CA10: variants seen among roughly 807,000 people sequenced by gnomAD.
The protein encoded by CA10 is carbonic anhydrase-related protein 10.
A neutral mutation model predicts 44.2 loss-of-function variants in CA10; 14 were observed. The ratio of observed to expected loss-of-function variants is 0.32; its 90% CI spans 0.21 to 0.50. The LOEUF (loss-of-function observed/expected upper bound fraction) is 0.50, where lower values mean the gene tolerates loss of function less well. Among genes scored for constraint, CA10 ranks in the 20% least tolerant of loss-of-function variants. CA10 has a pLI of 0.99. For synonymous variants in CA10, 159 were observed against 141.6 expected (o/e 1.12, Z -0.87); for missense variants, 350 against 409.7 (o/e 0.85, Z 1.26).
chr17:51,728,479 CT>C lies in CA10; in HGVS notation c.465+19153del. Among the ~76,000 whole-genome samples the C allele has an allele frequency of 2.6e-5, 4 of 152,268 alleles. No homozygotes were observed. The Middle Eastern group carries it at 0.01, about 388-fold the overall frequency. On this transcript the variant is annotated intron_variant, in intron 4 of 8. Coordinates refer to ENST00000451037, the MANE Select transcript of CA10 (RefSeq NM_020178.5). Reference sequence around the variant, plus strand: ...ATCTGTGATAGATCCTCAGTCTTTCCTTGCTTTTCACGATCTTCACACTTTT... The same window carrying C: ...ATCTGTGATAGATCCTCAGTCTTTCCTGCTTTTCACGATCTTCACACTTTT...
intron 3 of CA10, among the ~76,000 whole-genome samples, chr17:51,925,363 T>G (rs559252042): frequency 6.6e-6 from 1 of 151,486 alleles, no homozygotes; most frequent in Non-Finnish European, 1.5e-5. Flanking sequence ...TAGGGAAATG[T>G]AAATCAAAAT....
intron 1 of CA10, among the ~76,000 whole-genome samples, chr17:52,123,579 G>A (rs1357774366): frequency 3.3e-5 from 5 of 152,130 alleles, no homozygotes; most frequent in Admixed American, 3.3e-4. Flanking sequence ...TGAATACAAG[G>A]CTTATAAATG....
At chr17:51,745,297 A>G (rs1904638398) in intron 4 of CA10, among the ~76,000 whole-genome samples, 1 of 152,192 alleles carries the variant, frequency 6.6e-6, no homozygotes, top group South Asian at 2.1e-4. Flanking sequence ...TTACAAATGT[A>G]CAAACCTGGA....
chr17:52,096,813 T>C (rs1218084052), intron 1 of CA10, among the ~76,000 whole-genome samples: 1 of 152,238 alleles, frequency 6.6e-6, no homozygotes, highest in Non-Finnish European at 1.5e-5. Context: ...CTATCCAAAG[T>C]CTTCACATAA....
chr17:52,062,830 G>A (rs573983868), intron 2 of CA10, among the ~76,000 whole-genome samples: 1 of 152,344 alleles, frequency 6.6e-6, no homozygotes, highest in South Asian at 2.1e-4. Flanking sequence ...GCTCCTACAG[G>A]GAGCCTCTAC....
chr17:51,715,056 T>C (rs1442174740), intron 4 of CA10, among the ~76,000 whole-genome samples: 27 of 152,108 alleles, frequency 1.8e-4, no homozygotes, highest in Admixed American at 1.8e-3. Context: ...GATGAGTTCA[T>C]GTCTTTGTAG....
intron 4 of CA10, among the ~76,000 whole-genome samples, chr17:51,674,910 G>T (rs1318102417): frequency 1.3e-5 from 2 of 152,082 alleles, no homozygotes; most frequent in Admixed American, 6.6e-5. Flanking sequence ...ATCCTTTTTA[G>T]GCTGCTGCTA....
chr17:51,798,021 T>C (rs764300405), intron 3 of CA10, among the ~76,000 whole-genome samples: 1 of 152,170 alleles, frequency 6.6e-6, no homozygotes, highest in Non-Finnish European at 1.5e-5. Flanking sequence ...AGGAAGTGAC[T>C]TGCCTTAAGC....
intron 3 of CA10, among the ~76,000 whole-genome samples, chr17:51,874,561 G>A (rs28582594): frequency 6.6e-6 from 1 of 151,958 alleles, no homozygotes; most frequent in Non-Finnish European, 1.5e-5. Flanking sequence ...ACCAGGAAAG[G>A]CATATGAGAG....
intron 1 of CA10, among the ~76,000 whole-genome samples, chr17:52,148,392 G>A (rs546326230): frequency 6.6e-6 from 1 of 152,204 alleles, no homozygotes; most frequent in Non-Finnish European, 1.5e-5. Flanking sequence ...TTGGTATGGT[G>A]TCATAAATAC....
At chr17:51,686,020 C>A (rs1264353750) in intron 4 of CA10, among the ~76,000 whole-genome samples, 3 of 149,240 alleles carry the variant, frequency 2.0e-5, no homozygotes, top group Admixed American at 6.6e-5. Flanking sequence ...CCAAATCTCA[C>A]CTTGAATTGT....
intron 1 of CA10, among the ~76,000 whole-genome samples, chr17:52,114,288 T>C (rs539823511): frequency 6.6e-6 from 1 of 152,326 alleles, no homozygotes; most frequent in East Asian, 1.9e-4. Context: ...CTAGAGTTCT[T>C]ATTTTGGAGC....
At chr17:51,843,816 T>C (rs1365593935) in intron 3 of CA10, among the ~76,000 whole-genome samples, 2 of 152,110 alleles carry the variant, frequency 1.3e-5, no homozygotes, top group African/African-American at 2.4e-5. Context: ...TATTACCTGG[T>C]TTTCATGATT....
In CA10 at chr17:51,666,528, G is replaced by T. The variant is rs570651933; in HGVS notation, c.466-12792C>A. Among the ~76,000 whole-genome samples the T allele has an allele frequency of 2.0e-5, 3 of 152,280 alleles. No individual in the cohort carries two copies. In the East Asian group the frequency reaches 5.8e-4, roughly 29 times the overall value. On this transcript the variant is annotated intron_variant, in intron 4 of 8. Transcript: ENST00000451037. ...CTGTAGCGCCTTTTCTCAATGTGGT[G>T]TCTGATTCTTCCAGAAATCACATTA...
At chr17:51,881,184 G>A (rs1980353330) in intron 3 of CA10, among the ~76,000 whole-genome samples, 2 of 145,204 alleles carry the variant, frequency 1.4e-5, no homozygotes, top group South Asian at 4.3e-4. Flanking sequence ...AGCTTGAAAT[G>A]AGCCGAGATC....
chr17:51,768,370 T>C (rs561739884), intron 3 of CA10, among the ~76,000 whole-genome samples: 41 of 152,290 alleles, frequency 2.7e-4, no homozygotes, highest in African/African-American at 9.4e-4. Context: ...TCAAATCAAC[T>C]TTGGGCTTTA....
intron 3 of CA10, among the ~76,000 whole-genome samples, chr17:51,765,145 G>A (rs1397600585): frequency 6.6e-6 from 1 of 152,112 alleles, no homozygotes; most frequent in African/African-American, 2.4e-5. Context: ...AATCATTTTG[G>A]GGTTGGGGGG....
chr17:51,859,670 CCT>C (rs1289729268), intron 3 of CA10, among the ~76,000 whole-genome samples: 1 of 152,034 alleles, frequency 6.6e-6, no homozygotes, highest in Admixed American at 6.6e-5. Context: ...GAACTCTGAG[CCT>C]CTGTTTCCTC....
At chr17:52,017,671 T>C (rs1026853226) in intron 2 of CA10, among the ~76,000 whole-genome samples, 7 of 152,094 alleles carry the variant, frequency 4.6e-5, no homozygotes, top group Admixed American at 4.6e-4. Context: ...TGTAAAAATC[T>C]GGAAAATTTA....
Sources: gnomAD v4.1 joint callset for allele counts (sites outside exome capture counted in the v4.1 genomes callset) on GRCh38, gnomAD v4.1.1 for gene constraint, MANE v1.5 for transcripts, NCBI Gene and HGNC (gene_info 2026-07-23, HGNC 2026-07-21) for gene names.